Variants in TTC29 observed in about 807,000 individuals in gnomAD.
TTC29 encodes tetratricopeptide repeat domain 29, also known as tetratricopeptide repeat protein 29.
TTC29 carries 49 observed loss-of-function variants against 58.1 expected under a neutral mutation model. That is an observed-to-expected ratio of 0.84 (90% CI 0.67 to 1.07). TTC29 has a LOEUF of 1.07. Ranked by LOEUF, TTC29 falls within the 50% of genes least tolerant of loss-of-function variation. The pLI is 0.00. For synonymous variants in TTC29, 209 were observed against 196.8 expected, an observed-to-expected ratio of 1.06 and a Z score of -0.52; for missense variants, 582 against 555.6, an observed-to-expected ratio of 1.05 and a Z score of -0.48.
chr4:146,893,891 AAAG>A (rs1561228147), intron 6 of TTC29, among the ~76,000 whole-genome samples: 1 of 152,240 alleles, frequency 6.6e-6, no homozygotes, highest in African/African-American at 2.4e-5. Context: ...ACACTTCTCA[AAAG>A]AAGACATTTC....
chr4:146,850,762 C>T (rs1342523442), intron 8 of TTC29, among the ~76,000 whole-genome samples: 2 of 152,070 alleles, frequency 1.3e-5, no homozygotes, highest in South Asian at 2.1e-4. Context: ...CAAATATTCA[C>T]GTTTAGTTAC....
At chr4:146,718,811 G>A (rs1229643326) in intron 11 of TTC29, among the ~76,000 whole-genome samples, 1 of 151,990 alleles carries the variant, frequency 6.6e-6, no homozygotes, top group Admixed American at 6.6e-5. Flanking sequence ...TTCCCCTTAT[G>A]TTTTCTTCTA....
intron 11 of TTC29, among the ~76,000 whole-genome samples, chr4:146,731,137 G>A (rs1301580664): frequency 1.3e-5 from 2 of 152,134 alleles, no homozygotes; most frequent in Admixed American, 1.3e-4. Flanking sequence ...TTAATCCTTA[G>A]TAAAAGGAGA....
At position 146,903,704 on chromosome 4, in the gene TTC29, G is replaced by A. The variant is rs771032692; in HGVS notation, c.426C>T (p.Asn142=). The stretch of plus-strand genomic sequence containing the variant: ...TGAAGTAACAGGCCAGAGCATACAA[G>A]TTATTATGTACATCTTCGAAGGATT... ...RKESFEDVHN[N]LYALACYFNN... Residue 142 remains asparagine, a synonymous_variant, in exon 6 of 13, where the codon AAC becomes AAT. Transcript: ENST00000325106. The A allele has an allele frequency of 8.1e-6, 13 of 1,606,474 alleles. 2 individuals carry two copies. The South Asian group carries it at 1.5e-4, about 18-fold the overall frequency.
chr4:146,753,777 C>T (rs773080797), intron 11 of TTC29, among the ~76,000 whole-genome samples: 68 of 151,974 alleles, frequency 4.5e-4, no homozygotes, highest in Non-Finnish European at 8.2e-4. Context: ...AGCTGGAAAC[C>T]ATCATTCTCA....
intron 7 of TTC29, among the ~76,000 whole-genome samples, chr4:146,873,439 G>A (rs1164550638): frequency 1.3e-5 from 2 of 152,192 alleles, no homozygotes; most frequent in African/African-American, 2.4e-5. Context: ...GTAAGAGAGA[G>A]ATATTTTTTG....
chr4:146,878,523 T>C (rs940937572), intron 6 of TTC29, among the ~76,000 whole-genome samples: 2 of 152,134 alleles, frequency 1.3e-5, no homozygotes, highest in African/African-American at 4.8e-5. Context: ...GACTCAAATA[T>C]ATGCTCCAGA....
At chr4:146,927,215 CAATT>C (rs1309417512) in intron 4 of TTC29, among the ~76,000 whole-genome samples, 5 of 152,022 alleles carry the variant, frequency 3.3e-5, no homozygotes, top group Non-Finnish European at 7.4e-5. Flanking sequence ...ATTATTAACT[CAATT>C]AATTATAACT....
chr4:146,855,300 G>A (rs1729771044), intron 8 of TTC29, among the ~76,000 whole-genome samples: 1 of 152,144 alleles, frequency 6.6e-6, no homozygotes, highest in Non-Finnish European at 1.5e-5. Context: ...GGGCATGGTG[G>A]TGCACGCCTG....
intron 6 of TTC29, among the ~76,000 whole-genome samples, chr4:146,889,289 A>T (rs1473741504): frequency 2.0e-5 from 3 of 152,168 alleles, no homozygotes; most frequent in Non-Finnish European, 4.4e-5. Flanking sequence ...ATCTTTTACC[A>T]GCTGTAAAAA....
At position 146,738,346 on chromosome 4, in the gene TTC29, T is replaced by C. The variant is rs539196598; in HGVS notation, c.1331-30795A>G. 3.9e-5 allele frequency among the ~76,000 whole-genome samples: 6 copies of C among 152,274 alleles called. No homozygotes were observed. In the East Asian group the frequency reaches 1.2e-3, roughly 29 times the overall value. ...AGAGAGGCCATTGTCTTTAACTCAG[T>C]TATCCCAGGTATCTGAAGGGGGGAA... On this transcript the variant is annotated intron_variant, in intron 11 of 12. Transcript: ENST00000325106.
chr4:146,930,027 A>AAT (rs199873434), intron 4 of TTC29, among the ~76,000 whole-genome samples: 113 of 126,596 alleles, frequency 8.9e-4, no homozygotes, highest in South Asian at 6.5e-3. Context: ...GCACACATAC[A>AAT]ATATATATAT....
chr4:146,747,205 C>A (rs1167442451), intron 11 of TTC29, among the ~76,000 whole-genome samples: 2 of 152,140 alleles, frequency 1.3e-5, no homozygotes, highest in Admixed American at 6.5e-5. Flanking sequence ...CACTGAGCTA[C>A]CCCTAGAGAA....
chr4:146,809,408 G>T (rs1196072535), intron 10 of TTC29, among the ~76,000 whole-genome samples: 3 of 150,054 alleles, frequency 2.0e-5, no homozygotes, highest in Non-Finnish European at 4.4e-5. Flanking sequence ...AAACTAAAGA[G>T]CTTCTGCACA....
chr4:146,944,650 C>T (rs145826449), intron 2 of TTC29, among the ~76,000 whole-genome samples: 2 of 152,174 alleles, frequency 1.3e-5, no homozygotes, highest in East Asian at 1.9e-4. Context: ...AGCCAGTAAA[C>T]CACAGTAAGC....
At chr4:146,927,464 C>A (rs996099803) in intron 4 of TTC29, among the ~76,000 whole-genome samples, 2 of 152,098 alleles carry the variant, frequency 1.3e-5, no homozygotes, top group South Asian at 4.1e-4. Context: ...TATTTGTCTA[C>A]ACTCTCTTTC....
chr4:146,857,025 A>G (rs1206968131), intron 8 of TTC29, among the ~76,000 whole-genome samples: 1 of 152,064 alleles, frequency 6.6e-6, no homozygotes, highest in Non-Finnish European at 1.5e-5. Flanking sequence ...TTTCCAAGTA[A>G]CTATTCAAAA....
At chr4:146,944,786 G>T (rs1350957447) in intron 2 of TTC29, among the ~76,000 whole-genome samples, 2 of 149,738 alleles carry the variant, frequency 1.3e-5, no homozygotes, top group Non-Finnish European at 1.5e-5. Flanking sequence ...AACTACAGAA[G>T]AAATATCACT....
chr4:146,822,866 CT>C (rs931199395), intron 9 of TTC29, among the ~76,000 whole-genome samples: 4 of 152,166 alleles, frequency 2.6e-5, no homozygotes, highest in African/African-American at 9.7e-5. Context: ...TGATGTTGAG[CT>C]TTTTTTCATG....
Sources: allele counts gnomAD v4.1 joint callset (sites outside exome capture counted in the v4.1 genomes callset), GRCh38; gene constraint gnomAD v4.1.1; transcripts MANE v1.5; gene names NCBI Gene and HGNC (gene_info 2026-07-23, HGNC 2026-07-21).